CHD9: variants seen among roughly 807,000 people sequenced by gnomAD.
CHD9 encodes the protein chromodomain helicase DNA binding protein 9.
CHD9 carries 77 observed loss-of-function variants against 316.1 expected under a neutral mutation model. The ratio of observed to expected loss-of-function variants is 0.24; its 90% confidence interval spans 0.20 to 0.29. The LOEUF (loss-of-function observed/expected upper bound fraction) is 0.29, where lower values mean the gene tolerates loss of function less well. Among genes scored for constraint, CHD9 ranks in the 10% least tolerant of loss-of-function variants. The probability of loss-of-function intolerance (pLI) is 1.00; values close to 1 mark genes in which losing one functional copy is unlikely to be tolerated. For synonymous variants in CHD9, 1,129 were observed against 1,158.3 expected (o/e 0.97, Z 0.51); for missense variants, 2,763 against 3,438.1 (o/e 0.80, Z 4.91).
intron 1 of CHD9, among the ~76,000 whole-genome samples, chr16:53,102,995 G>T (rs1470708377): frequency 1.5e-4 from 22 of 151,620 alleles, no homozygotes; most frequent in African/African-American, 5.3e-4. Context: ...ACAGGCACCC[G>T]CCACCACCCC....
intron 24 of CHD9, among the ~76,000 whole-genome samples, chr16:53,282,909 C>T (rs1485027730): frequency 2.0e-5 from 3 of 152,062 alleles, no homozygotes; most frequent in African/African-American, 7.2e-5. Context: ...TTCACATAGG[C>T]CTTCTCGTCA....
In CHD9 at chr16:53,156,907, A is replaced by G; in HGVS notation, c.818A>G (p.His273Arg). The G allele has an allele frequency of 6.2e-7, 1 of 1,613,710 alleles. No homozygotes were observed. The highest frequency in any genetic ancestry group is 8.5e-7 in the Non-Finnish European group (1 of 1,179,704). ...AGTAATTCACAGCAATTTTCTTCAC[A>G]TTATTCCTTTTCCAGTAATCATATA... ...SVSNSQQFSS[H>R]YSFSSNHISP... The change falls in exon 2 of 39, where the codon CAT becomes CGT. Residue 273 changes from histidine (H) to arginine (R), a missense_variant. Transcript: ENST00000447540.
intron 2 of CHD9, among the ~76,000 whole-genome samples, chr16:53,175,775 C>G (rs2043058541): frequency 6.6e-6 from 1 of 152,210 alleles, no homozygotes; most frequent in African/African-American, 2.4e-5. Context: ...CAATTATACT[C>G]AAGTTCATGG....
intron 1 of CHD9, among the ~76,000 whole-genome samples, chr16:53,071,077 T>C (rs2034005960): frequency 6.6e-6 from 1 of 152,220 alleles, no homozygotes; most frequent in South Asian, 2.1e-4. Context: ...GTAGATCACT[T>C]TGGGTAGCAC....
At chr16:53,187,534 A>G in intron 2 of CHD9, among the ~76,000 whole-genome samples, 1 of 151,974 alleles carries the variant, frequency 6.6e-6, no homozygotes, top group Non-Finnish European at 1.5e-5. Context: ...AGAGTGAGAA[A>G]ATGAGAGTTT....
At chr16:53,303,443 T>A (rs1382624572) in intron 30 of CHD9, among the ~76,000 whole-genome samples, 1 of 152,110 alleles carries the variant, frequency 6.6e-6, no homozygotes, top group Non-Finnish European at 1.5e-5. Context: ...AATCTTATGT[T>A]TTACATTAAC....
rs376416096 is a variant in CHD9, at chr16:53,324,603, T to C, written c.8402T>C (p.Ile2801Thr). The C allele has an allele frequency of 1.9e-5, 30 of 1,613,598 alleles. No homozygotes were observed. Among genetic ancestry groups the C allele is most frequent in the Non-Finnish European group, 2.5e-5 (30 of 1,179,800 alleles). The change falls in exon 39 of 39, where the codon ATA becomes ACA. Residue 2801 changes from isoleucine (I) to threonine (T), a missense_variant. Physicochemically the swap from Ile to Thr is moderately conservative, Grantham distance 89 (BLOSUM62 -1). Coordinates refer to ENST00000447540, the MANE Select transcript of CHD9 (RefSeq NM_001308319.2). ...CTTAACCCACTATTACTATCTAATA[T>C]ACTTTATCCAGGGATGCTTCTCACT... ...LALNPLLLSNILYPGMLLTPG... is the reference protein window; with the variant it reads ...LALNPLLLSNTLYPGMLLTPG...
chr16:53,129,493 T>C (rs912756578), intron 1 of CHD9, among the ~76,000 whole-genome samples: 2 of 152,134 alleles, frequency 1.3e-5, no homozygotes, highest in African/African-American at 4.8e-5. Flanking sequence ...CTAAATAGAG[T>C]TATGCTGATC....
At chr16:53,105,618 G>T (rs917351879) in intron 1 of CHD9, among the ~76,000 whole-genome samples, 1 of 152,078 alleles carries the variant, frequency 6.6e-6, no homozygotes, top group Non-Finnish European at 1.5e-5. Flanking sequence ...TTCCATAGGA[G>T]AGTTTTCAGC....
intron 38 of CHD9, among the ~76,000 whole-genome samples, chr16:53,322,261 T>C (rs1010266219): frequency 1.3e-5 from 2 of 151,448 alleles, no homozygotes; most frequent in African/African-American, 4.8e-5. Context: ...CCTCCCAAAG[T>C]GCTAGGATTA....
At chr16:53,227,355 C>T (rs1271566448) in intron 5 of CHD9, 41 bp from the exon 6 acceptor site, 1 of 1,344,454 alleles carries the variant, frequency 7.4e-7, no homozygotes, top group Admixed American at 2.2e-5. Context: ...AAAGATCTTT[C>T]AGAATGTGTT....
At chr16:53,114,966 C>T (rs2038177344) in intron 1 of CHD9, among the ~76,000 whole-genome samples, 4 of 152,048 alleles carry the variant, frequency 2.6e-5, no homozygotes, top group Admixed American at 2.6e-4. Context: ...ACTTCTACAG[C>T]TAAATGAAGG....
At chr16:53,166,506 C>G (rs757044292) in intron 2 of CHD9, among the ~76,000 whole-genome samples, 3 of 152,082 alleles carry the variant, frequency 2.0e-5, no homozygotes, top group African/African-American at 2.4e-5. Context: ...ACTACTCAGT[C>G]ACTTATTTAT....
At chr16:53,212,095 G>C (rs561546629) in intron 3 of CHD9, among the ~76,000 whole-genome samples, 2 of 152,118 alleles carry the variant, frequency 1.3e-5, no homozygotes, top group Non-Finnish European at 2.9e-5. Flanking sequence ...CAACAGCAGT[G>C]TAAAATATAA....
At chr16:53,161,470 TG>T (rs1167735740) in intron 2 of CHD9, among the ~76,000 whole-genome samples, 1 of 152,216 alleles carries the variant, frequency 6.6e-6, no homozygotes, top group Non-Finnish European at 1.5e-5. Flanking sequence ...AATTTTTTTC[TG>T]GGTTCTTTGT....
At chr16:53,115,475 G>A (rs1213456315) in intron 1 of CHD9, among the ~76,000 whole-genome samples, 1 of 152,198 alleles carries the variant, frequency 6.6e-6, no homozygotes, top group Non-Finnish European at 1.5e-5. Flanking sequence ...ATTCTATTAG[G>A]TTCTATTATT....
At chr16:53,302,033 G>C (rs1022075629) in intron 30 of CHD9, among the ~76,000 whole-genome samples, 3 of 151,672 alleles carry the variant, frequency 2.0e-5, no homozygotes, top group African/African-American at 7.3e-5. Flanking sequence ...AAAGTACTGG[G>C]ATTGCAGGCA....
At chr16:53,224,929 A>T (rs1314332388) in intron 4 of CHD9, among the ~76,000 whole-genome samples, 1 of 152,184 alleles carries the variant, frequency 6.6e-6, no homozygotes, top group Non-Finnish European at 1.5e-5. Flanking sequence ...CTTTAATTAG[A>T]ATTTTTATAT....
chr16:53,066,564 C>T (rs115128723), intron 1 of CHD9, among the ~76,000 whole-genome samples: 38 of 152,124 alleles, frequency 2.5e-4, no homozygotes, highest in Non-Finnish European at 1.9e-4. Context: ...GGCTCCTGCC[C>T]GGTCTCACAG....
Sources: allele counts gnomAD v4.1 joint callset (sites outside exome capture counted in the v4.1 genomes callset), GRCh38; gene constraint gnomAD v4.1.1; transcripts MANE v1.5; gene names NCBI Gene and HGNC (gene_info 2026-07-23, HGNC 2026-07-21).